The following CUBN variants were observed in gnomAD, a reference collection of about 807,000 sequenced individuals.
CUBN encodes cubilin, also known as 460 kDa receptor.
Under a neutral mutation model 405.3 loss-of-function variants are expected in CUBN, and 282 were observed. That is an observed-to-expected ratio of 0.70 (90% CI 0.63 to 0.77). The LOEUF (loss-of-function observed/expected upper bound fraction) is 0.77. Ranked by LOEUF, CUBN falls within the 30% of genes least tolerant of loss-of-function variation. CUBN has a pLI of 0.00. For synonymous variants in CUBN, 1,684 were observed against 1,617.0 expected, an observed-to-expected ratio of 1.04 and a Z score of -0.99; for missense variants, 4,514 against 4,475.2, an observed-to-expected ratio of 1.01 and a Z score of -0.25.
At chr10:17,049,274 G>T (rs972249629) in intron 22 of CUBN, among the ~76,000 whole-genome samples, 6 of 152,216 alleles carry the variant, frequency 3.9e-5, no homozygotes, top group African/African-American at 1.4e-4. Flanking sequence ...CAATGACCCA[G>T]TATCCCTGAG....
intron 31 of CUBN, among the ~76,000 whole-genome samples, chr10:16,963,085 T>C (rs1016112665): frequency 3.9e-5 from 6 of 152,062 alleles, no homozygotes; most frequent in Non-Finnish European, 7.4e-5. Context: ...AATAAGACAA[T>C]GTATTGAAAG....
chr10:17,088,107 T>C lies in CUBN; in HGVS notation c.1947+57A>G, dbSNP rs915911208. 5.7e-6 allele frequency: 8 copies of C among 1,411,286 alleles called. No homozygotes were observed. In the African/African-American group the frequency reaches 7.1e-5, roughly 13 times the overall value. The allele number at this position is 1,411,286 out of a possible 1,614,324, so 87.4% of individuals were successfully genotyped here. On this transcript the variant is annotated intron_variant, in intron 15 of 66. Coordinates refer to ENST00000377833, the MANE Select transcript of CUBN (RefSeq NM_001081.4). ...GTCATCCATGGGCATGGCTAGACCA[T>C]AGTGCCCTGAGTCCTAATCATATTG...
chr10:17,079,756 G>A (rs959050055), intron 17 of CUBN, among the ~76,000 whole-genome samples: 2 of 152,124 alleles, frequency 1.3e-5, no homozygotes, highest in African/African-American at 4.8e-5. Context: ...TGAGCAGCAG[G>A]TCCACTTGAG....
chr10:17,108,805 C>A (rs898324463), intron 10 of CUBN, among the ~76,000 whole-genome samples: 1 of 151,882 alleles, frequency 6.6e-6, no homozygotes, highest in Non-Finnish European at 1.5e-5. Context: ...AAACAACATG[C>A]CAGGAAAAAC....
In CUBN at chr10:16,997,175, C is replaced by T. The variant is rs539871463; in HGVS notation, c.4169-6660G>A. 1.6e-3 allele frequency among the ~76,000 whole-genome samples: 236 copies of T among 152,256 alleles called. 4 individuals are homozygous for T. In the Middle Eastern group the frequency reaches 0.027, roughly 18 times the overall value. ...TGTGGGCTGGGCGCAGTGGCTCATG[C>T]CTGTAATCCCAGCACTTAGGGAGGC... is the stretch of plus-strand genomic sequence containing the variant. On this transcript the variant is annotated intron_variant, in intron 28 of 66. Coordinates refer to ENST00000377833, the MANE Select transcript of CUBN (RefSeq NM_001081.4).
intron 54 of CUBN, 141 bp downstream of exon 54, chr10:16,898,855 G>A: frequency 1.4e-6 from 1 of 703,758 alleles, no homozygotes; most frequent in Non-Finnish European, 2.6e-6. Context: ...AACAGTTGAG[G>A]TTTCTCACTT....
chr10:17,095,110 T>A (rs1489974371), intron 14 of CUBN, among the ~76,000 whole-genome samples: 2 of 151,984 alleles, frequency 1.3e-5, no homozygotes, highest in Non-Finnish European at 2.9e-5. Flanking sequence ...CCATATATTA[T>A]GCTGAATTGA....
chr10:17,035,127 C>T (rs1834868028), intron 27 of CUBN, among the ~76,000 whole-genome samples: 1 of 148,134 alleles, frequency 6.8e-6, no homozygotes, highest in African/African-American at 2.4e-5. Flanking sequence ...AAGGAAAGAA[C>T]ATTCTAGAAA....
intron 59 of CUBN, among the ~76,000 whole-genome samples, chr10:16,866,004 G>A (rs17426570): frequency 0.042 from 6,396 of 152,068 alleles, 195 homozygotes; most frequent in Non-Finnish European, 0.066. Context: ...CTGAGGGTGC[G>A]TCTTCCCCAT....
intron 36 of CUBN, among the ~76,000 whole-genome samples, chr10:16,940,937 G>A (rs557135501): frequency 2.6e-5 from 4 of 152,266 alleles, no homozygotes; most frequent in East Asian, 1.9e-4. Flanking sequence ...AACAACACCC[G>A]CTGGTGCTTG....
At chr10:16,986,020 G>A (rs1161459244) in intron 29 of CUBN, among the ~76,000 whole-genome samples, 1 of 152,232 alleles carries the variant, frequency 6.6e-6, no homozygotes, top group Non-Finnish European at 1.5e-5. Flanking sequence ...TCTCCTGTGT[G>A]TATGTGTGGG....
chr10:17,072,043 G>T, intron 17 of CUBN, 72 bp from the exon 18 acceptor site: 3 of 1,246,780 alleles, frequency 2.4e-6, no homozygotes, highest in Non-Finnish European at 3.4e-6. Context: ...GCGTTACTTG[G>T]AGATGAAAAA....
At chr10:17,102,601 T>TA (rs34421443) in intron 13 of CUBN, among the ~76,000 whole-genome samples, 40,863 of 134,248 alleles carry the variant, frequency 0.3, 7,466 homozygotes, top group East Asian at 0.52. Context: ...TACTCTTTTT[T>TA]TTTTTTTTTT....
At chr10:16,899,351 G>C (rs192523275) in intron 53 of CUBN, among the ~76,000 whole-genome samples, 168 bp from the exon 54 acceptor site, 1 of 152,312 alleles carries the variant, frequency 6.6e-6, no homozygotes, top group African/African-American at 2.4e-5. Flanking sequence ...TAAATGGAAA[G>C]GTGAGTTAAA....
chr10:17,100,227 T>A lies in CUBN; in HGVS notation c.1543A>T (p.Thr515Ser). 1.9e-6 allele frequency: 3 copies of A among 1,610,036 alleles called. No homozygotes were observed. Among genetic ancestry groups the A allele is most frequent in the Non-Finnish European group, 2.6e-6 (3 of 1,176,386 alleles). ...GATTCTAACCGGAAAAAAGTGAAAGTGATACGCAGGACCTAAAAATACAAA... is the reference window on the plus strand; with the variant it reads ...GATTCTAACCGGAAAAAAGTGAAAGAGATACGCAGGACCTAAAAATACAAA... ...KTEMGKVLRI[T>S]FTFFRLESMD... The change falls in exon 14 of 67, where the codon ACT becomes TCT. Residue 515 changes from threonine (T) to serine (S), a missense_variant. This residue lies in a region of CUBN where 1,448 missense variants were observed against 1,388.0 expected (regional missense o/e 1.04). Coordinates refer to ENST00000377833, the MANE Select transcript of CUBN (RefSeq NM_001081.4).
intron 59 of CUBN, among the ~76,000 whole-genome samples, chr10:16,859,841 A>G (rs1486343243): frequency 6.6e-6 from 1 of 152,208 alleles, no homozygotes; most frequent in African/African-American, 2.4e-5. Context: ...AACAATAAAA[A>G]TGTTTTGTGT....
At chr10:16,958,823 C>T (rs1403024273) in intron 31 of CUBN, among the ~76,000 whole-genome samples, 2 of 152,154 alleles carry the variant, frequency 1.3e-5, no homozygotes, top group Non-Finnish European at 2.9e-5. Flanking sequence ...CCTCAGTCTG[C>T]TTCTTTGTGA....
intron 12 of CUBN, 46 bp from the exon 13 acceptor site, chr10:17,103,283 G>T (rs373252674): frequency 4.1e-6 from 5 of 1,221,842 alleles, no homozygotes; most frequent in Non-Finnish European, 6.1e-6. Context: ...TTCCTAAAAG[G>T]AAGAGGTTGG....
At chr10:16,924,921 A>C (rs1319857544) in intron 43 of CUBN, among the ~76,000 whole-genome samples, 4 of 149,822 alleles carry the variant, frequency 2.7e-5, no homozygotes, top group Admixed American at 1.3e-4. Context: ...ACATCTTATA[A>C]TGGAAAGGTC....
Sources: allele counts gnomAD v4.1 joint callset (sites outside exome capture counted in the v4.1 genomes callset), GRCh38; gene constraint gnomAD v4.1.1; regional missense constraint gnomAD v4.1.1; transcripts MANE v1.5; gene names NCBI Gene and HGNC (gene_info 2026-07-23, HGNC 2026-07-21).